VCAN: variants seen among roughly 807,000 people sequenced by gnomAD.
VCAN encodes the protein versican, also known as versican core protein.
VCAN carries 44 observed loss-of-function variants against 245.5 expected under a neutral mutation model. The observed-to-expected ratio is 0.18, with a 90% CI of 0.14 to 0.23. The LOEUF (loss-of-function observed/expected upper bound fraction) is 0.23, where lower values mean the gene tolerates loss of function less well. VCAN is among the 10% of genes least tolerant of loss of function. VCAN has a pLI of 1.00. For synonymous variants in VCAN, 1,413 were observed against 1,437.0 expected (o/e 0.98, Z 0.38); for missense variants, 3,793 against 4,057.9 (o/e 0.93, Z 1.77).
intron 7 of VCAN, among the ~76,000 whole-genome samples, chr5:83,522,964 T>A (rs919746215): frequency 5.3e-5 from 8 of 152,348 alleles, no homozygotes; most frequent in Middle Eastern, 3.4e-3. Context: ...TTTATTGTAT[T>A]AAATATAATT....
chr5:83,572,580 T>A lies in VCAN; in HGVS notation c.9880+20T>A. 6.2e-7 allele frequency: 1 copy of A among 1,613,422 alleles called. No individual in the cohort carries two copies. Among genetic ancestry groups the A allele is most frequent in the Non-Finnish European group, 8.5e-7 (1 of 1,179,490 alleles). On this transcript the variant is annotated intron_variant, in intron 13 of 14. Coordinates refer to ENST00000265077, the MANE Select transcript of VCAN (RefSeq NM_004385.5). ...GAACAGGTAATGATCACCCTGTTAA[T>A]AATGTGTACTTAATCTTCATTTCAA...
At chr5:83,580,193 C>T (rs1748618261) in intron 14 of VCAN, 31 bp downstream of exon 14, 3 of 1,613,724 alleles carry the variant, frequency 1.9e-6, no homozygotes, top group African/African-American at 2.7e-5. Flanking sequence ...AATGGACTAC[C>T]GTGCTATAAC....
chr5:83,480,558 C>T (rs1014183917), intron 1 of VCAN, among the ~76,000 whole-genome samples: 12 of 152,164 alleles, frequency 7.9e-5, no homozygotes, highest in African/African-American at 2.7e-4. Flanking sequence ...GAAATAGAGG[C>T]GTTGATCATG....
chr5:83,551,523 A>C lies in VCAN; in HGVS notation c.9494-1841A>C, dbSNP rs76330246. On this transcript the variant is annotated intron_variant, in intron 10 of 14. Coordinates refer to ENST00000265077, the MANE Select transcript of VCAN (RefSeq NM_004385.5). ...CGAGACTCCACCACAAAAAAAATAA[A>C]AAATAAAAAAGACAAAAAAGGGGAA... 8.5e-3 allele frequency among the ~76,000 whole-genome samples: 1,295 copies of C among 152,268 alleles called. 18 individuals carry two copies. The highest frequency in any genetic ancestry group is 0.032 in the East Asian group (166 of 5,172).
In VCAN at chr5:83,537,901, G is replaced by A. The variant is rs771923925; in HGVS notation, c.4898G>A (p.Ser1633Asn). The change falls in exon 8 of 15, where the codon AGT becomes AAT. Residue 1633 changes from serine to asparagine, a missense_variant. Transcript: ENST00000265077. Reference sequence around the variant, plus strand: ...AGACAAGTTGTAGAGCTCTCAGGGAGTTCTTCGATTCCAATTACAGAAGGC... The same window carrying A: ...AGACAAGTTGTAGAGCTCTCAGGGAATTCTTCGATTCCAATTACAGAAGGC... ...TPRQVVELSG[S>N]SSIPITEGSG... 1.9e-6 allele frequency: 3 copies of A among 1,613,856 alleles called. No individual in the cohort carries two copies. The highest frequency in any genetic ancestry group is 1.3e-5 in the African/African-American group (1 of 74,922).
chr5:83,546,592 C>A (rs1187292720), intron 9 of VCAN, among the ~76,000 whole-genome samples: 56 of 137,692 alleles, frequency 4.1e-4, no homozygotes, highest in Admixed American at 5.1e-4. Flanking sequence ...CTCACCTCTG[C>A]AAAAAAAAAA....
chr5:83,580,037 C>T lies in VCAN; in HGVS notation c.9938C>T (p.Pro3313Leu), dbSNP rs150867251. 1.3e-5 allele frequency: 21 copies of T among 1,613,974 alleles called. No homozygotes were observed. The African/African-American group carries it at 2.1e-4, about 16-fold the overall frequency. ...GCCAAGACCTTTGGAAAGATGAAACCTCGTTATGAAATCAACTCCCTGATT... is the reference window on the plus strand; with the variant it reads ...GCCAAGACCTTTGGAAAGATGAAACTTCGTTATGAAATCAACTCCCTGATT... ...ENAKTFGKMKPRYEINSLIRY... is the reference protein window; with the variant it reads ...ENAKTFGKMKLRYEINSLIRY... The change falls in exon 14 of 15, where the codon CCT becomes CTT. Residue 3313 changes from proline to leucine, a missense_variant. Physicochemically the swap from Pro to Leu is moderately conservative, Grantham distance 98 (BLOSUM62 -3). This residue lies in a region of VCAN where 205 missense variants were observed against 321.1 expected (regional missense o/e 0.64). Coordinates refer to ENST00000265077, the MANE Select transcript of VCAN (RefSeq NM_004385.5).
At chr5:83,498,100 G>A (rs1467318506) in intron 5 of VCAN, among the ~76,000 whole-genome samples, 1 of 152,024 alleles carries the variant, frequency 6.6e-6, no homozygotes, top group South Asian at 2.1e-4. Context: ...ACTTCACCTG[G>A]GTTAACTACT....
chr5:83,481,680 A>G (rs554086710), intron 1 of VCAN, among the ~76,000 whole-genome samples: 9 of 152,184 alleles, frequency 5.9e-5, no homozygotes, highest in Non-Finnish European at 1.0e-4. Flanking sequence ...CAGTTGGTCT[A>G]TAGATGGAAA....
chr5:83,534,738 C>T (rs1746642674), intron 7 of VCAN, among the ~76,000 whole-genome samples: 1 of 152,006 alleles, frequency 6.6e-6, no homozygotes, highest in African/African-American at 2.4e-5. Context: ...ATAGTTTTAG[C>T]AATGAGAGAC....
intron 1 of VCAN, among the ~76,000 whole-genome samples, chr5:83,478,126 A>G (rs1346493336): frequency 6.6e-6 from 1 of 151,992 alleles, no homozygotes; most frequent in African/African-American, 2.4e-5. Flanking sequence ...TGTTTTTAGT[A>G]GAGTGGGGTT....
chr5:83,472,232 G>T (rs1312331130), intron 1 of VCAN, among the ~76,000 whole-genome samples: 1 of 150,866 alleles, frequency 6.6e-6, no homozygotes, highest in Non-Finnish European at 1.5e-5. Flanking sequence ...AGGGACCTTG[G>T]TGTTGAAAAA....
Position 83,521,782 on chromosome 5 carries a change from C to T in VCAN, c.3476C>T (p.Thr1159Ile), listed in dbSNP as rs1219556497. The T allele has an allele frequency of 6.2e-7, 1 of 1,613,966 alleles. No homozygotes were observed. Among genetic ancestry groups the T allele is most frequent in the African/African-American group, 1.3e-5 (1 of 74,884 alleles). The change falls in exon 7 of 15, where the codon ACC becomes ATC. Residue 1159 changes from threonine to isoleucine, a missense_variant. Physicochemically the swap from Thr to Ile is moderately conservative, Grantham distance 89. Coordinates refer to ENST00000265077, the MANE Select transcript of VCAN (RefSeq NM_004385.5). Reference sequence around the variant, plus strand: ...ACATCATCTTTGAGTCCTTTTAGTACCCACATTACCCAGCTTATGGAAGAA... The same window carrying T: ...ACATCATCTTTGAGTCCTTTTAGTATCCACATTACCCAGCTTATGGAAGAA... Reference protein sequence around the residue: ...GFTSSLSPFSTHITQLMEETT... With the variant: ...GFTSSLSPFSIHITQLMEETT...
intron 5 of VCAN, among the ~76,000 whole-genome samples, chr5:83,505,283 C>A (rs550148815): frequency 2.0e-5 from 3 of 152,160 alleles, no homozygotes; most frequent in Admixed American, 6.5e-5. Flanking sequence ...AAGTCCCTTC[C>A]GCCTAGGAGC....
Position 83,575,617 on chromosome 5 carries a change from T to C in VCAN, c.9880+3057T>C, listed in dbSNP as rs186235477. On this transcript the variant is annotated intron_variant, in intron 13 of 14. Coordinates refer to ENST00000265077, the MANE Select transcript of VCAN (RefSeq NM_004385.5). ...TTCTTTATTTTGAGAGGCTATCCTG[T>C]GCATTAAAGCATGTTTAGCATAATC... is the stretch of plus-strand genomic sequence containing the variant. Among the ~76,000 whole-genome samples the C allele has an allele frequency of 2.1e-4, 32 of 152,318 alleles. 1 individual carries two copies. Among genetic ancestry groups the C allele is most frequent in the Admixed American group, 1.8e-3 (27 of 15,290 alleles).
In VCAN at chr5:83,520,750, T is replaced by C; in HGVS notation, c.2444T>C (p.Leu815Ser). 1 of 1,614,160 alleles carries C rather than the reference T, an allele frequency of 6.2e-7. No homozygotes were observed. Among genetic ancestry groups the C allele is most frequent in the Non-Finnish European group, 8.5e-7 (1 of 1,179,988 alleles). Residue 815 changes from leucine (L) to serine (S), a missense_variant, in exon 7 of 15, where the codon TTA (leucine) becomes TCA (serine). Transcript: ENST00000265077. ...WDEDNTTSKP[L>S]ESTEPSASSK... ...GAAGATAATACAACATCCAAGCCTTTAGAGTCTACAGAACCTTCAGCCTCT... is the reference window on the plus strand; with the variant it reads ...GAAGATAATACAACATCCAAGCCTTCAGAGTCTACAGAACCTTCAGCCTCT...
rs145146670 is a variant in VCAN, at chr5:83,490,624, G to A, written c.445+152G>A. ...GTAGTCCACGTCTTTCACCAAAAAT[G>A]AACTGGTACTCATTCAAAAGTCAAG... On this transcript the variant is annotated intron_variant, in intron 3 of 14. Transcript: ENST00000265077. 7.3e-4 allele frequency: 880 copies of A among 1,209,272 alleles called. 11 individuals carry two copies. In the Middle Eastern group the frequency reaches 0.018, roughly 24 times the overall value. 74.9% of individuals were successfully genotyped at this position (1,209,272 alleles called of 1,614,324 possible).
Position 83,527,088 on chromosome 5 carries a change from C to G in VCAN, c.4003+4779C>G, listed in dbSNP as rs548901606. ...AACCCCCTGCCCAATGGCTTAGGTA[C>G]TGCCCTGTCTGTCAATTCCTGAAAG... is the stretch of plus-strand genomic sequence containing the variant. On this transcript the variant is annotated intron_variant, in intron 7 of 14. Transcript: ENST00000265077. Among the ~76,000 whole-genome samples, 250 of 152,336 alleles carry G rather than the reference C, an allele frequency of 1.6e-3. 1 individual carries two copies. Among genetic ancestry groups the G allele is most frequent in the African/African-American group, 5.7e-3 (239 of 41,570 alleles).
chr5:83,530,400 T>A (rs1746470969), intron 7 of VCAN, among the ~76,000 whole-genome samples: 1 of 152,112 alleles, frequency 6.6e-6, no homozygotes, highest in Admixed American at 6.6e-5. Flanking sequence ...TAATAGCTCT[T>A]AGATCGTTCA....
Sources: gnomAD v4.1 joint callset for allele counts (sites outside exome capture counted in the v4.1 genomes callset) on GRCh38, gnomAD v4.1.1 for gene constraint, gnomAD v4.1.1 regional missense constraint, MANE v1.5 for transcripts, NCBI Gene and HGNC (gene_info 2026-07-23, HGNC 2026-07-21) for gene names.